The following TCEA3 variants were observed in gnomAD, a reference collection of about 807,000 sequenced individuals.
TCEA3 encodes the protein transcription elongation factor A protein 3.
In TCEA3, 36 loss-of-function variants were observed where a neutral mutation model predicts 44.0. The ratio of observed to expected loss-of-function variants is 0.82; its 90% CI spans 0.63 to 1.08. TCEA3 has a LOEUF of 1.08. Ranked by LOEUF, TCEA3 falls within the 50% of genes least tolerant of loss-of-function variation. TCEA3 has a pLI of 0.00. For synonymous variants in TCEA3, 162 were observed against 159.7 expected (o/e 1.01, Z -0.11); for missense variants, 392 against 441.2 (o/e 0.89, Z 1.00).
intron 5 of TCEA3, among the ~76,000 whole-genome samples, chr1:23,400,377 T>C (rs1639364146): frequency 1.3e-5 from 2 of 150,538 alleles, no homozygotes; most frequent in Admixed American, 6.6e-5. Flanking sequence ...ACCAGGCTTT[T>C]TTTTTTTTTT....
chr1:23,402,728 A>G (rs965178012), intron 5 of TCEA3, among the ~76,000 whole-genome samples: 3 of 152,178 alleles, frequency 2.0e-5, no homozygotes, highest in Admixed American at 2.0e-4. Context: ...GTCTGCCTCC[A>G]TCTCCAGATT....
At chr1:23,385,071 T>G (rs958802910) in intron 9 of TCEA3, among the ~76,000 whole-genome samples, 4 of 152,208 alleles carry the variant, frequency 2.6e-5, no homozygotes, top group African/African-American at 9.6e-5. Context: ...TCATTGGGAC[T>G]ATTTAATGTT....
At chr1:23,392,365 C>CACACACTCCACACATCATACACAAT (rs1553166341) in intron 8 of TCEA3, among the ~76,000 whole-genome samples, 547 of 10,608 alleles carry the variant, frequency 0.052, no homozygotes, top group African/African-American at 0.064. Flanking sequence ...ACATCATACA[C>CACACACTCCACACATCATACACAAT]ACACACTCCA....
intron 1 of TCEA3, among the ~76,000 whole-genome samples, chr1:23,420,185 G>A (rs1175885180): frequency 6.6e-6 from 1 of 152,168 alleles, no homozygotes; most frequent in African/African-American, 2.4e-5. Flanking sequence ...ATGTTGTCTC[G>A]TGGATCAGTA....
intron 4 of TCEA3, among the ~76,000 whole-genome samples, chr1:23,412,501 G>A (rs1288183022): frequency 1.3e-5 from 2 of 151,642 alleles, no homozygotes; most frequent in East Asian, 1.9e-4. Context: ...TCAGGAGTTC[G>A]AGACCAGCCT....
Position 23,417,347 on chromosome 1 carries a change from T to G in TCEA3, c.282A>C (p.Glu94Asp). Residue 94 changes from glutamate to aspartate, a missense_variant, in exon 4 of 11, where the codon GAA becomes GAC. Glu to Asp is a conservative substitution (Grantham distance 45). Transcript: ENST00000450454. ...GCCCTTTTTCCTTCTTCTTTGCCTT[T>G]TCTCTTTCCTCTCCTTTTTCTCCTT... The part of the protein sequence containing the change: ...PPKGEKGEER[E>D]KAKKKEKGLE... 1 of 1,614,038 alleles carries G rather than the reference T, an allele frequency of 6.2e-7. No homozygotes were observed. Among genetic ancestry groups the G allele is most frequent in the Non-Finnish European group, 8.5e-7 (1 of 1,179,902 alleles).
At chr1:23,390,161 C>T (rs1008324096) in intron 8 of TCEA3, among the ~76,000 whole-genome samples, 1 of 152,100 alleles carries the variant, frequency 6.6e-6, no homozygotes, top group African/African-American at 2.4e-5. Flanking sequence ...TGGGTGGTGG[C>T]ACATTCCAGA....
chr1:23,384,271 T>C, intron 10 of TCEA3, 75 bp downstream of exon 10: 2 of 1,610,928 alleles, frequency 1.2e-6, no homozygotes, highest in East Asian at 4.5e-5. Flanking sequence ...CCCTTCTGGG[T>C]TGTGGGTACA....
chr1:23,388,585 CCT>C, intron 8 of TCEA3, among the ~76,000 whole-genome samples: 1 of 152,118 alleles, frequency 6.6e-6, no homozygotes, highest in African/African-American at 2.4e-5. Flanking sequence ...AGTGTGCTCA[CCT>C]TTCATTATAA....
At chr1:23,400,539 C>T (rs544003135) in intron 5 of TCEA3, among the ~76,000 whole-genome samples, 3 of 152,258 alleles carry the variant, frequency 2.0e-5, no homozygotes, top group African/African-American at 7.2e-5. Context: ...AACTCCCTCC[C>T]TCCCAAGATG....
chr1:23,423,973 G>A, intron 1 of TCEA3: 1 of 412,746 alleles, frequency 2.4e-6, no homozygotes, highest in South Asian at 1.8e-5. Context: ...GCCCGTCCGG[G>A]CCGCACCCCA....
Position 23,424,699 on chromosome 1 carries a change from G to A in TCEA3, c.-66C>T, listed in dbSNP as rs1640170351. On this transcript the variant is annotated 5_prime_UTR_variant, in exon 1 of 11. Transcript: ENST00000450454. ...AGCAGTAGGGCCTCGGGGGCAGGAG[G>A]CGCGAAGGCGGAGGGCGCGCAACCC... is the stretch of plus-strand genomic sequence containing the variant. 1.8e-5 allele frequency: 24 copies of A among 1,328,126 alleles called. No homozygotes were observed. Among genetic ancestry groups the A allele is most frequent in the Non-Finnish European group, 2.3e-5 (22 of 953,004 alleles). The allele number at this position is 1,328,126 out of a possible 1,614,324, so 82.3% of individuals were successfully genotyped here. A position where few individuals can be genotyped will look rare whatever the true frequency, so the allele number is the denominator to read the frequency against.
chr1:23,381,028 G>T lies in TCEA3; in HGVS notation c.*438C>A. On this transcript the variant is annotated 3_prime_UTR_variant, in exon 11 of 11. Transcript: ENST00000450454. ...GAGAAGGAACTCAAAGCAAACGTCT[G>T]CCAGCCCACTGTCAAAGATATGACA... The T allele has an allele frequency of 6.4e-6, 1 of 157,424 alleles. No individual in the cohort carries two copies. Among genetic ancestry groups the T allele is most frequent in the Non-Finnish European group, 1.4e-5 (1 of 71,344 alleles). 9.8% of individuals were successfully genotyped at this position (157,424 alleles called of 1,614,324 possible). A position where few individuals can be genotyped will look rare whatever the true frequency, so the allele number is the denominator to read the frequency against.
intron 8 of TCEA3, among the ~76,000 whole-genome samples, chr1:23,392,500 C>G (rs1639079844): frequency 1.2e-5 from 1 of 80,982 alleles, no homozygotes; most frequent in African/African-American, 4.8e-5. Context: ...ATCACACACT[C>G]ACACTCCATA....
intron 5 of TCEA3, among the ~76,000 whole-genome samples, chr1:23,406,960 C>T (rs1639562152): frequency 1.3e-5 from 2 of 152,328 alleles, no homozygotes; most frequent in East Asian, 3.9e-4. Context: ...AGACTTTCTT[C>T]CTGAGTTGTA....
chr1:23,401,162 C>G (rs969016506), intron 5 of TCEA3, among the ~76,000 whole-genome samples: 4 of 152,140 alleles, frequency 2.6e-5, no homozygotes, highest in Admixed American at 2.6e-4. Context: ...TTGGCCTGAC[C>G]TTGGATCTCC....
Position 23,387,416 on chromosome 1 carries a change from T to G in TCEA3, c.823A>C (p.Met275Leu). 3 of 1,598,702 alleles carry G rather than the reference T, an allele frequency of 1.9e-6. No individual in the cohort carries two copies. The highest frequency in any genetic ancestry group is 2.7e-5 in the African/African-American group (2 of 74,814). Residue 275 changes from methionine (M) to leucine (L), a missense_variant, in exon 9 of 11, where the codon ATG becomes CTG. Physicochemically the swap from Met to Leu is conservative, Grantham distance 15 (BLOSUM62 2). Transcript: ENST00000450454. Reference protein sequence around the residue: ...GLIAKMTAEEMASDELRELRN... With the variant: ...GLIAKMTAEELASDELRELRN... ...AACTCCCTCAGTTCATCACTGGCCA[T>G]TTCCTGGAGAAAAAAGAGTCTACCC...
intron 7 of TCEA3, among the ~76,000 whole-genome samples, chr1:23,397,297 T>C (rs1639244451): frequency 6.6e-6 from 1 of 152,216 alleles, no homozygotes; most frequent in African/African-American, 2.4e-5. Flanking sequence ...TGAAACTGGA[T>C]AAATCAGGGA....
intron 9 of TCEA3, 56 bp from the exon 10 acceptor site, chr1:23,384,473 G>A: frequency 6.4e-7 from 1 of 1,573,884 alleles, no homozygotes; most frequent in Non-Finnish European, 8.7e-7. Flanking sequence ...GACCTGCCAT[G>A]GCTCCCACTG....
Sources: gnomAD v4.1 joint callset for allele counts (sites outside exome capture counted in the v4.1 genomes callset) on GRCh38, gnomAD v4.1.1 for gene constraint, MANE v1.5 for transcripts, NCBI Gene and HGNC (gene_info 2026-07-23, HGNC 2026-07-21) for gene names.